Variants in TDRD9 observed in about 807,000 individuals in gnomAD.
TDRD9 encodes tudor domain containing 9, also known as ATP-dependent RNA helicase TDRD9.
Under a neutral mutation model 172.6 loss-of-function variants are expected in TDRD9, and 124 were observed. The ratio of observed to expected loss-of-function variants is 0.72; its 90% CI spans 0.62 to 0.83. The LOEUF (loss-of-function observed/expected upper bound fraction) is 0.83. Among genes scored for constraint, TDRD9 ranks in the 40% least tolerant of loss-of-function variants. The pLI, the probability that TDRD9 is intolerant of heterozygous loss-of-function variation, is 0.00. For synonymous variants in TDRD9, 619 were observed against 617.1 expected, an observed-to-expected ratio of 1.00 and a Z score of -0.05; for missense variants, 1,479 against 1,714.1, an observed-to-expected ratio of 0.86 and a Z score of 2.42.
chr14:103,991,760 T>G (rs1595956619), intron 9 of TDRD9, among the ~76,000 whole-genome samples: 1 of 22,462 alleles, frequency 4.5e-5, no homozygotes, highest in Non-Finnish European at 1.8e-4. Context: ...AAGAGTTCAA[T>G]TTTTTTTTTT....
At position 104,049,785 on chromosome 14, in the gene TDRD9, G is replaced by A; in HGVS notation, c.4047+105G>A. 4.2e-6 allele frequency: 4 copies of A among 944,000 alleles called. No individual in the cohort carries two copies. In the South Asian group the frequency reaches 4.9e-5, roughly 12 times the overall value. 58.5% of individuals were successfully genotyped at this position (944,000 alleles called of 1,614,324 possible). A position where few individuals can be genotyped will look rare whatever the true frequency, so the allele number is the denominator to read the frequency against. On this transcript the variant is annotated intron_variant, in intron 35 of 35. Transcript: ENST00000409874. ...GCCAGGGCTGGCCGAGGGTCTGAGA[G>A]GCAGAGACAGGAGGCAAAGTGGATG...
intron 34 of TDRD9, among the ~76,000 whole-genome samples, chr14:104,045,289 T>C (rs922470295): frequency 6.6e-6 from 1 of 152,176 alleles, no homozygotes; most frequent in African/African-American, 2.4e-5. Flanking sequence ...GCAGTCAGTC[T>C]GGTGAGTATG....
chr14:103,965,429 T>TA lies in TDRD9; in HGVS notation c.518dup (p.Tyr173Ter). Reference sequence around the variant, plus strand: ...GCTCCCGCAGTATATCTTGGACCACTACGTTCAGCGCTCCGCCTACTGCAG... The same window carrying TA: ...GCTCCCGCAGTATATCTTGGACCACTAACGTTCAGCGCTCCGCCTACTGCAG... ...TQLPQYILDHYVQRSAYCSIV... is the reference protein window; with the variant it reads ...TQLPQYILDH Residue 173 changes from tyrosine to a stop codon, truncating the protein, a stop_gained and frameshift_variant, in exon 4 of 36, where the codon TAC (tyrosine) becomes TAAC (stop). Coordinates refer to ENST00000409874, the MANE Select transcript of TDRD9 (RefSeq NM_153046.3). LOFTEE classifies it high-confidence loss of function. The TA allele has an allele frequency of 6.4e-7, 1 of 1,551,652 alleles. No individual in the cohort carries two copies. The highest frequency in any genetic ancestry group is 2.4e-5 in the East Asian group (1 of 40,914).
chr14:103,987,677 C>A (rs1014635163), intron 8 of TDRD9, among the ~76,000 whole-genome samples: 1 of 152,090 alleles, frequency 6.6e-6, no homozygotes, highest in Admixed American at 6.6e-5. Flanking sequence ...AGCATGTAGA[C>A]TGTTCTGGAG....
chr14:104,024,607 T>TG lies in TDRD9; in HGVS notation c.2646dup (p.Gln883AlafsTer5). On this transcript the variant is annotated frameshift_variant, in exon 25 of 36. Coordinates refer to ENST00000409874, the MANE Select transcript of TDRD9 (RefSeq NM_153046.3). LOFTEE classifies it high-confidence loss of function. The stretch of plus-strand genomic sequence containing the variant: ...TTCCAGAAGCAGACGGTAGATCCTA[T>TG]GCAAGTCTCCTTTAACACATCAGAC... 2 of 1,612,962 alleles carry TG rather than the reference T, an allele frequency of 1.2e-6. No individual in the cohort carries two copies. The highest frequency in any genetic ancestry group is 1.7e-6 in the Non-Finnish European group (2 of 1,179,374).
intron 9 of TDRD9, among the ~76,000 whole-genome samples, chr14:103,993,855 C>G (rs922143982): frequency 1.3e-5 from 2 of 152,186 alleles, no homozygotes; most frequent in Non-Finnish European, 2.9e-5. Flanking sequence ...CACAGTTCAA[C>G]CCATAACAGA....
At chr14:104,051,893 G>A in intron 35 of TDRD9, 88 bp from the exon 36 acceptor site, 2 of 748,466 alleles carry the variant, frequency 2.7e-6, no homozygotes, top group East Asian at 2.8e-5. Flanking sequence ...ATTATACTTT[G>A]TGCATCCTGG....
intron 3 of TDRD9, among the ~76,000 whole-genome samples, chr14:103,964,215 C>G (rs571562498): frequency 1.3e-5 from 2 of 152,162 alleles, no homozygotes; most frequent in East Asian, 3.9e-4. Flanking sequence ...TGCACTCCAG[C>G]CTGGGTGACA....
chr14:104,008,471 G>C lies in TDRD9; in HGVS notation c.2106+5G>C. The C allele has an allele frequency of 6.4e-7, 1 of 1,554,796 alleles. No homozygotes were observed. The highest frequency in any genetic ancestry group is 8.8e-7 in the Non-Finnish European group (1 of 1,131,074). ...CAAATCAAGAGAATTAGAGAGGTAAGTTAAGTTTTTTGACCAAATGGATGC... is the reference window on the plus strand; with the variant it reads ...CAAATCAAGAGAATTAGAGAGGTAACTTAAGTTTTTTGACCAAATGGATGC... On this transcript the variant is annotated splice_donor_5th_base_variant and intron_variant, in intron 20 of 35. Transcript: ENST00000409874.
intron 34 of TDRD9, among the ~76,000 whole-genome samples, chr14:104,043,259 G>A (rs1280283171): frequency 8.1e-6 from 1 of 124,066 alleles, no homozygotes. Context: ...TTTTTTTTTT[G>A]AGAATGGAGT....
intron 33 of TDRD9, 49 bp downstream of exon 33, chr14:104,040,383 T>G: frequency 6.8e-7 from 1 of 1,465,356 alleles, no homozygotes. Context: ...TCTCTCTGGT[T>G]TTGCTTACCT....
intron 24 of TDRD9, among the ~76,000 whole-genome samples, chr14:104,023,955 G>T (rs1367360218): frequency 6.6e-6 from 1 of 152,190 alleles, no homozygotes; most frequent in East Asian, 1.9e-4. Context: ...ATTGGGAAAA[G>T]AGTTGGATCA....
At chr14:104,046,536 A>G (rs1350222599) in intron 34 of TDRD9, among the ~76,000 whole-genome samples, 2 of 152,220 alleles carry the variant, frequency 1.3e-5, no homozygotes, top group Non-Finnish European at 2.9e-5. Context: ...CCATAAATGT[A>G]AAGATTTATT....
rs2030141666 is a variant in TDRD9 at position 103,928,684 on chromosome 14, C to G, written c.175C>G (p.Leu59Val). 1 of 1,215,272 alleles carries G rather than the reference C, an allele frequency of 8.2e-7. No individual in the cohort carries two copies. The highest frequency in any genetic ancestry group is 1.0e-6 in the Non-Finnish European group (1 of 968,138). 75.3% of individuals were successfully genotyped at this position (1,215,272 alleles called of 1,614,324 possible). The change falls in exon 1 of 36, where the codon CTG becomes GTG. Residue 59 changes from leucine to valine, a missense_variant. Transcript: ENST00000409874. ...GAGPAAQAPALAQAPARPAAA... is the reference protein window; with the variant it reads ...GAGPAAQAPAVAQAPARPAAA... ...TGGTCCCGCGGCCCAGGCTCCGGCT[C>G]TGGCCCAAGCTCCGGCCCGGCCGGC...
chr14:104,011,512 G>A (rs545980308), intron 20 of TDRD9, among the ~76,000 whole-genome samples: 42 of 152,092 alleles, frequency 2.8e-4, no homozygotes, highest in African/African-American at 9.6e-4. Context: ...AACACCTTTG[G>A]GATTAGTGCC....
chr14:103,997,844 C>T lies in TDRD9; in HGVS notation c.1379-780C>T, dbSNP rs2034109479. On this transcript the variant is annotated intron_variant, in intron 12 of 35. Transcript: ENST00000409874. This position sits in a 1 kb window ranked among gnomAD's most constrained non-coding sequence, Gnocchi z 5.1. ...TCCCAACGGGGCTGTTGTCAGTGAC[C>T]TTGACAAGAGCAGCTTTGGTGGAAG... is the stretch of plus-strand genomic sequence containing the variant. 6.6e-6 allele frequency among the ~76,000 whole-genome samples: 1 copy of T among 152,186 alleles called. No homozygotes were observed. Among genetic ancestry groups the T allele is most frequent in the Non-Finnish European group, 1.5e-5 (1 of 68,030 alleles).
intron 1 of TDRD9, among the ~76,000 whole-genome samples, chr14:103,932,295 C>G (rs1324497705): frequency 6.6e-6 from 1 of 152,178 alleles, no homozygotes; most frequent in Admixed American, 6.5e-5. Flanking sequence ...ATAGTGGATA[C>G]TTGGATACTT....
Position 104,018,112 on chromosome 14 carries a change from TG to T in TDRD9, c.2354del (p.Gly785AspfsTer55). The T allele has an allele frequency of 1.9e-6, 3 of 1,602,348 alleles. No homozygotes were observed. The highest frequency in any genetic ancestry group is 2.6e-6 in the Non-Finnish European group (3 of 1,171,272). ...TACAGTTGAAACACATTCCTCCCTA[TG>T]GATTTCTTTACTATAAACAACTACA... ...TVVLKHIPPYGFLYYKQLQSL... is the reference protein window; with the variant it reads ...TVVLKHIPPYXFLYYKQLQSL... On this transcript the variant is annotated frameshift_variant, in exon 23 of 36. Transcript: ENST00000409874. LOFTEE classifies it high-confidence loss of function.
At chr14:103,929,766 C>T (rs1304947165) in intron 1 of TDRD9, among the ~76,000 whole-genome samples, 1 of 152,204 alleles carries the variant, frequency 6.6e-6, no homozygotes, top group African/African-American at 2.4e-5. Context: ...GTGATCTGCC[C>T]ACCTCAGCCT....
Sources: allele counts gnomAD v4.1 joint callset (sites outside exome capture counted in the v4.1 genomes callset), GRCh38; gene constraint gnomAD v4.1.1; non-coding constraint Gnocchi (gnomAD v3.1); transcripts MANE v1.5; gene names NCBI Gene and HGNC (gene_info 2026-07-23, HGNC 2026-07-21).